The following PRKN variants were observed in gnomAD, a reference collection of about 807,000 sequenced individuals.
PRKN encodes parkin RBR E3 ubiquitin protein ligase, also known as E3 ubiquitin-protein ligase parkin.
In PRKN, 56 loss-of-function variants were observed where a neutral mutation model predicts 59.5. That is an observed-to-expected ratio of 0.94 (90% CI 0.76 to 1.18). PRKN has a LOEUF of 1.18. Ranked by LOEUF, PRKN falls within the 50% of genes most tolerant of loss-of-function variation. PRKN has a pLI of 0.00. For missense variants in PRKN, 657 were observed against 596.4 expected, an observed-to-expected ratio of 1.10 and a Z score of -1.06; for synonymous variants, 250 against 222.1, an observed-to-expected ratio of 1.13 and a Z score of -1.12.
intron 6 of PRKN, among the ~76,000 whole-genome samples, chr6:161,885,947 C>T (rs4596453): frequency 0.5 from 76,170 of 151,880 alleles, 19,790 homozygotes; most frequent in African/African-American, 0.64. Context: ...CCTGTTTCCT[C>T]TCCAAATGTG....
intron 4 of PRKN, among the ~76,000 whole-genome samples, chr6:162,059,420 C>T (rs1778004058): frequency 6.6e-6 from 1 of 152,180 alleles, no homozygotes; most frequent in East Asian, 1.9e-4. Context: ...AATTTATACC[C>T]TTACAAAGCA....
Position 161,398,568 on chromosome 6 carries a change from G to A in PRKN, c.1084-11691C>T, listed in dbSNP as rs146510867. On this transcript the variant is annotated intron_variant, in intron 9 of 11. Transcript: ENST00000366898. The stretch of plus-strand genomic sequence containing the variant: ...CCTACTCAGGAACTCCACTCAGAAT[G>A]TATGCTGTGCATTGCTGGAGCCTGC... 2.7e-3 allele frequency among the ~76,000 whole-genome samples: 405 copies of A among 152,284 alleles called. 1 individual carries two copies. Among genetic ancestry groups the A allele is most frequent in the Admixed American group, 5.3e-3 (81 of 15,298 alleles).
chr6:162,353,150 G>A (rs1049169597), intron 2 of PRKN, among the ~76,000 whole-genome samples: 8 of 152,060 alleles, frequency 5.3e-5, no homozygotes, highest in African/African-American at 1.9e-4. Flanking sequence ...CAACCTCATC[G>A]TGTGGCAGGT....
intron 5 of PRKN, among the ~76,000 whole-genome samples, chr6:162,002,850 A>C (rs1202690920): frequency 6.6e-6 from 1 of 152,022 alleles, no homozygotes; most frequent in East Asian, 1.9e-4. Flanking sequence ...CTGATTTCAA[A>C]TACTCTTGTG....
chr6:161,794,820 G>C (rs968336299), intron 6 of PRKN, among the ~76,000 whole-genome samples: 1 of 152,066 alleles, frequency 6.6e-6, no homozygotes, highest in Non-Finnish European at 1.5e-5. Context: ...AGATAACATC[G>C]ATGTGCTATT....
At chr6:162,120,270 T>C (rs956306838) in intron 4 of PRKN, among the ~76,000 whole-genome samples, 4 of 152,340 alleles carry the variant, frequency 2.6e-5, no homozygotes, top group Non-Finnish European at 4.4e-5. Flanking sequence ...TCCCAAAGCA[T>C]TGGGATTATA....
intron 2 of PRKN, among the ~76,000 whole-genome samples, chr6:162,359,939 ATTATTGTT>A (rs1785062502): frequency 6.6e-6 from 1 of 152,186 alleles, no homozygotes; most frequent in African/African-American, 2.4e-5. Context: ...ATTGGCTTAT[ATTATTGTT>A]TTATTCTTCA....
At chr6:161,888,949 C>G (rs1463954509) in intron 6 of PRKN, among the ~76,000 whole-genome samples, 1 of 152,132 alleles carries the variant, frequency 6.6e-6, no homozygotes, top group African/African-American at 2.4e-5. Flanking sequence ...TTACCCTATT[C>G]TGTGCCTGCC....
At chr6:161,914,302 T>C (rs1277148542) in intron 6 of PRKN, among the ~76,000 whole-genome samples, 5 of 152,158 alleles carry the variant, frequency 3.3e-5, no homozygotes, top group Non-Finnish European at 5.9e-5. Context: ...TAAAGTAGAA[T>C]TTACTGTAGG....
chr6:162,342,437 A>G (rs554673835), intron 2 of PRKN, among the ~76,000 whole-genome samples: 146 of 152,340 alleles, frequency 9.6e-4, no homozygotes, highest in Admixed American at 1.8e-3. Context: ...TACATATATT[A>G]TCTCATATCA....
At chr6:161,742,827 A>G (rs995932741) in intron 7 of PRKN, among the ~76,000 whole-genome samples, 5 of 152,194 alleles carry the variant, frequency 3.3e-5, no homozygotes, top group African/African-American at 9.7e-5. Flanking sequence ...TGGACCACAC[A>G]GCTGGTGAAT....
At chr6:162,164,990 T>C (rs1229425904) in intron 4 of PRKN, among the ~76,000 whole-genome samples, 3 of 148,874 alleles carry the variant, frequency 2.0e-5, no homozygotes, top group East Asian at 1.9e-4. Context: ...GTATTGCTAC[T>C]AATGGTATCT....
intron 4 of PRKN, among the ~76,000 whole-genome samples, chr6:162,181,851 A>G (rs1245118802): frequency 5.9e-5 from 9 of 152,186 alleles, no homozygotes; most frequent in Non-Finnish European, 1.3e-4. Context: ...TGAGAATAAG[A>G]AAAGAGGTTC....
At chr6:162,468,131 G>C (rs1373805975) in intron 1 of PRKN, among the ~76,000 whole-genome samples, 1 of 152,120 alleles carries the variant, frequency 6.6e-6, no homozygotes, top group Non-Finnish European at 1.5e-5. Flanking sequence ...CTTTGCCTCT[G>C]TATATTCACA....
At chr6:161,641,354 T>C (rs886562443) in intron 7 of PRKN, among the ~76,000 whole-genome samples, 1 of 152,208 alleles carries the variant, frequency 6.6e-6, no homozygotes, top group Non-Finnish European at 1.5e-5. Context: ...TTGCTGACCC[T>C]GCATTCAATG....
At chr6:161,800,707 G>A (rs183282360) in intron 6 of PRKN, among the ~76,000 whole-genome samples, 72 of 152,276 alleles carry the variant, frequency 4.7e-4, no homozygotes, top group Non-Finnish European at 9.9e-4. Flanking sequence ...ACAGGGGAGT[G>A]ACGGCACTGG....
chr6:161,715,098 G>A (rs1447680549), intron 7 of PRKN, among the ~76,000 whole-genome samples: 2 of 152,164 alleles, frequency 1.3e-5, no homozygotes, highest in African/African-American at 2.4e-5. Context: ...CTGCACCTCC[G>A]CTCAGTCCAC....
intron 6 of PRKN, among the ~76,000 whole-genome samples, chr6:161,874,908 T>A (rs1230974225): frequency 5.5e-5 from 6 of 108,624 alleles, no homozygotes; most frequent in African/African-American, 2.1e-4. Flanking sequence ...ATAATATATA[T>A]TATAAAATAT....
chr6:162,317,517 C>T (rs141602262), intron 2 of PRKN, among the ~76,000 whole-genome samples: 222 of 152,112 alleles, frequency 1.5e-3, no homozygotes, highest in Middle Eastern at 3.4e-3. Flanking sequence ...CACACTAATA[C>T]AGGTAATGAG....
Sources: allele counts gnomAD v4.1 joint callset (sites outside exome capture counted in the v4.1 genomes callset), GRCh38; gene constraint gnomAD v4.1.1; transcripts MANE v1.5; gene names NCBI Gene and HGNC (gene_info 2026-07-23, HGNC 2026-07-21).